Variants in APOH observed in about 807,000 individuals in gnomAD.
The protein encoded by APOH is apolipoprotein H.
Under a neutral mutation model 39.8 loss-of-function variants are expected in APOH, and 48 were observed. That is an observed-to-expected ratio of 1.21 (90% confidence interval 0.96 to 1.54). The LOEUF is 1.54. Among genes scored for constraint, APOH ranks in the 40% most tolerant of loss-of-function variants. The pLI is 0.00. For synonymous variants in APOH, 153 were observed against 151.1 expected, an observed-to-expected ratio of 1.01 and a Z score of -0.09; for missense variants, 415 against 421.2, an observed-to-expected ratio of 0.99 and a Z score of 0.13.
chr17:66,227,043 C>T (rs1171166333), intron 2 of APOH, among the ~76,000 whole-genome samples: 2 of 151,890 alleles, frequency 1.3e-5, no homozygotes, highest in East Asian at 1.9e-4. Context: ...CCAGCATGCC[C>T]GGCTAATTTT....
rs1240826607 is a variant in APOH at position 66,224,486 on chromosome 17, AAAAAAG to A, written c.339-718_339-713del. 2.2e-3 allele frequency among the ~76,000 whole-genome samples: 232 copies of A among 106,340 alleles called. 2 individuals carry two copies. Among genetic ancestry groups the A allele is most frequent in the Non-Finnish European group, 4.4e-3 (172 of 38,824 alleles). The allele number at this position is 106,340 out of a possible 152,430, so 69.8% of individuals were successfully genotyped here. A position where few individuals can be genotyped will look rare whatever the true frequency, so the allele number is the denominator to read the frequency against. ...AAGATCCTGTAAAAAAAAAAAAAAA[AAAAAAG>A]AAAAGAAAAGAAGGAAAGGAAGGAA... On this transcript the variant is annotated intron_variant, in intron 3 of 7. Coordinates refer to ENST00000205948, the MANE Select transcript of APOH (RefSeq NM_000042.3).
chr17:66,227,065 G>A (rs8178828), intron 2 of APOH, among the ~76,000 whole-genome samples: 13,217 of 151,840 alleles, frequency 0.087, 652 homozygotes, highest in African/African-American at 0.14. Flanking sequence ...TTTATTTTTA[G>A]TAGAGACGAG....
Position 66,220,641 on chromosome 17 carries a change from C to A in APOH, c.517G>T (p.Glu173Ter). The part of the protein sequence containing the change: ...NSLYRDTAVF[E>*]CLPQHAMFGN... ...AACATCGCATGTTGTGGCAAACATT[C>A]AAAAACTGCTGTGTCCCGATAGAGG... is the stretch of plus-strand genomic sequence containing the variant. The change falls in exon 5 of 8, where the codon GAA (glutamate) becomes TAA (stop). Residue 173 changes from glutamate (E) to a stop codon, truncating the protein, a stop_gained. Transcript: ENST00000205948. LOFTEE classifies it high-confidence loss of function. 6.2e-7 allele frequency: 1 copy of A among 1,614,126 alleles called. No individual in the cohort carries two copies.
intron 5 of APOH, among the ~76,000 whole-genome samples, chr17:66,220,255 TCTC>T (rs2073389125): frequency 6.6e-6 from 1 of 152,124 alleles, no homozygotes; most frequent in South Asian, 2.1e-4. Context: ...TGGTATGCCT[TCTC>T]CTCATTCTCT....
Position 66,228,145 on chromosome 17 carries a change from GTTT to G in APOH, c.113_115del (p.Lys38del). The G allele has an allele frequency of 6.2e-7, 1 of 1,614,164 alleles. No individual in the cohort carries two copies. The highest frequency in any genetic ancestry group is 8.5e-7 in the Non-Finnish European group (1 of 1,180,020). ...AATCTCTTCTCCTGGCTCATAGAAT[GTTT>G]TTAACGGGACCACTGTGGAAAATGG... On this transcript the variant is annotated inframe_deletion, in exon 2 of 8. Transcript: ENST00000205948.
chr17:66,223,845 T>C (rs747209751), intron 3 of APOH, 71 bp from the exon 4 acceptor site: 6 of 1,327,516 alleles, frequency 4.5e-6, no homozygotes, highest in Non-Finnish European at 5.4e-6. Context: ...ATCTTCTCCA[T>C]TGAGCATTGC....
At chr17:66,218,411 C>A (rs556483640) in intron 5 of APOH, among the ~76,000 whole-genome samples, 1 of 151,994 alleles carries the variant, frequency 6.6e-6, no homozygotes, top group African/African-American at 2.4e-5. Context: ...CTGGTTCAAG[C>A]GATTCTCCTG....
intron 6 of APOH, 36 bp from the exon 7 acceptor site, chr17:66,214,686 G>A: frequency 6.5e-7 from 1 of 1,546,352 alleles, no homozygotes. Flanking sequence ...GGACTTAAGA[G>A]TTCAGGAAGT....
At chr17:66,217,049 T>A (rs1367000645) in intron 5 of APOH, 82 bp from the exon 6 acceptor site, 15 of 1,169,382 alleles carry the variant, frequency 1.3e-5, no homozygotes, top group Non-Finnish European at 1.8e-5. Flanking sequence ...CTTGTCTCTG[T>A]CACACCACTG....
At position 66,229,330 on chromosome 17, in the gene APOH, G is replaced by C; in HGVS notation, c.50C>G (p.Ala17Gly). 4 of 1,613,580 alleles carry C rather than the reference G, an allele frequency of 2.5e-6. No individual in the cohort carries two copies. The highest frequency in any genetic ancestry group is 3.4e-6 in the Non-Finnish European group (4 of 1,179,658). The change falls in exon 1 of 8, where the codon GCT becomes GGT. Residue 17 changes from alanine to glycine, a missense_variant. Coordinates refer to ENST00000205948, the MANE Select transcript of APOH (RefSeq NM_000042.3). ...ILFSSFLCHV[A>G]IAGRTCPKPD... is the part of the protein sequence containing the mutation. Reference sequence around the variant, plus strand: ...AAAGTACTTACTCCGTCCTGCAATAGCAACATGGCAGAGAAAACTCGAGAA... The same window carrying C: ...AAAGTACTTACTCCGTCCTGCAATACCAACATGGCAGAGAAAACTCGAGAA...
At chr17:66,222,969 C>G (rs1183262106) in intron 4 of APOH, among the ~76,000 whole-genome samples, 4 of 152,136 alleles carry the variant, frequency 2.6e-5, no homozygotes, top group Admixed American at 2.6e-4. Flanking sequence ...GTATAAATCA[C>G]AAGTTGGGGA....
chr17:66,219,804 G>T (rs1170234755), intron 5 of APOH, among the ~76,000 whole-genome samples: 1 of 151,936 alleles, frequency 6.6e-6, no homozygotes, highest in Non-Finnish European at 1.5e-5. Flanking sequence ...CTGTAATCCC[G>T]GCTACTTGGG....
At chr17:66,227,668 C>A (rs1237845923) in intron 2 of APOH, among the ~76,000 whole-genome samples, 1 of 152,070 alleles carries the variant, frequency 6.6e-6, no homozygotes, top group Non-Finnish European at 1.5e-5. Context: ...TATGATGATT[C>A]CCCAAATTTT....
At chr17:66,218,669 C>T (rs954375950) in intron 5 of APOH, among the ~76,000 whole-genome samples, 1 of 152,160 alleles carries the variant, frequency 6.6e-6, no homozygotes, top group Non-Finnish European at 1.5e-5. Context: ...AGACAACTAG[C>T]CTGTACTCTT....
chr17:66,212,290 T>G, intron 7 of APOH, 102 bp from the exon 8 acceptor site: 2 of 886,758 alleles, frequency 2.3e-6, no homozygotes, highest in Non-Finnish European at 3.6e-6. Context: ...GTATATAGAA[T>G]ACATGTGATT....
chr17:66,217,477 C>T (rs1381958781), intron 5 of APOH, among the ~76,000 whole-genome samples: 2 of 151,972 alleles, frequency 1.3e-5, no homozygotes, highest in Admixed American at 1.3e-4. Context: ...TTCCTGGCCT[C>T]CTTAAGATCC....
intron 7 of APOH, among the ~76,000 whole-genome samples, chr17:66,213,991 C>T (rs1211618346): frequency 3.9e-5 from 6 of 152,110 alleles, no homozygotes; most frequent in African/African-American, 1.4e-4. Flanking sequence ...CTGCAGCTCA[C>T]TGCTTCATAT....
chr17:66,223,774 C>A lies in APOH; in HGVS notation c.339G>T (p.Gly113=), dbSNP rs570767652. The A allele has an allele frequency of 7.4e-6, 12 of 1,613,894 alleles. No individual in the cohort carries two copies. In the South Asian group the frequency reaches 1.1e-4, roughly 15 times the overall value. The change falls in exon 4 of 8, where the codon GGG becomes GGT. Residue 113 remains glycine, a splice_region_variant and synonymous_variant. Transcript: ENST00000205948. ...PNTISFSCNT[G]FYLNGADSAK... is the part of the protein sequence containing the mutation. The stretch of plus-strand genomic sequence containing the variant: ...CAGAATCAGCGCCATTCAGATAAAA[C>A]CTGCAAAAGGAAAATTCATTCTATC...
At chr17:66,216,479 A>C (rs1250829875) in intron 6 of APOH, among the ~76,000 whole-genome samples, 1 of 114,662 alleles carries the variant, frequency 8.7e-6, no homozygotes, top group Non-Finnish European at 1.6e-5. Flanking sequence ...GCAAGACTCC[A>C]TCTCAAAAAA....
Sources: gnomAD v4.1 joint callset for allele counts (sites outside exome capture counted in the v4.1 genomes callset) on GRCh38, gnomAD v4.1.1 for gene constraint, MANE v1.5 for transcripts, NCBI Gene and HGNC (gene_info 2026-07-23, HGNC 2026-07-21) for gene names.